EYA1: variants seen among roughly 807,000 people sequenced by gnomAD.
EYA1 encodes EYA transcriptional coactivator and phosphatase 1.
Under a neutral mutation model 82.0 loss-of-function variants are expected in EYA1, and 16 were observed. The observed-to-expected ratio is 0.20, with a 90% CI of 0.13 to 0.30. The LOEUF is 0.30. Among genes scored for constraint, EYA1 ranks in the 10% least tolerant of loss-of-function variants. The probability of loss-of-function intolerance (pLI) is 1.00; values close to 1 mark genes in which losing one functional copy is unlikely to be tolerated. For synonymous variants in EYA1, 261 were observed against 264.4 expected (o/e 0.99, Z 0.12); for missense variants, 633 against 730.7 (o/e 0.87, Z 1.54).
At chr8:71,215,090 A>G (rs950667113) in intron 16 of EYA1, among the ~76,000 whole-genome samples, 4 of 152,120 alleles carry the variant, frequency 2.6e-5, no homozygotes, top group African/African-American at 9.7e-5. Flanking sequence ...ATTTTTGTTA[A>G]TGTTGCCTAA....
intron 2 of EYA1, among the ~76,000 whole-genome samples, chr8:71,417,512 T>G (rs1219361325): frequency 6.6e-6 from 1 of 152,346 alleles, no homozygotes; most frequent in African/African-American, 2.4e-5. Flanking sequence ...TCAAAATTTA[T>G]TTAGACAATT....
chr8:71,218,540 C>G (rs1475514473), intron 12 of EYA1, among the ~76,000 whole-genome samples: 2 of 152,180 alleles, frequency 1.3e-5, no homozygotes, highest in African/African-American at 4.8e-5. Flanking sequence ...ACCTTGTAAC[C>G]CTCCCCTGCT....
At chr8:71,339,398 C>T (rs1824864845) in intron 3 of EYA1, among the ~76,000 whole-genome samples, 1 of 152,152 alleles carries the variant, frequency 6.6e-6, no homozygotes. Flanking sequence ...ACATGCTGGC[C>T]AAGTCCACTT....
intron 2 of EYA1, among the ~76,000 whole-genome samples, chr8:71,516,605 T>C (rs1702863367): frequency 6.6e-6 from 1 of 152,158 alleles, no homozygotes; most frequent in Non-Finnish European, 1.5e-5. Context: ...TTGCACAGTA[T>C]GGCCAAAAAT....
chr8:71,276,199 C>A (rs1308912784), intron 9 of EYA1, among the ~76,000 whole-genome samples: 1 of 152,138 alleles, frequency 6.6e-6, no homozygotes, highest in African/African-American at 2.4e-5. Context: ...TGAAGCAAAT[C>A]CTTTGTTATC....
chr8:71,332,014 A>AC (rs1014267868), intron 4 of EYA1, among the ~76,000 whole-genome samples: 26 of 151,994 alleles, frequency 1.7e-4, no homozygotes, highest in African/African-American at 6.3e-4. Context: ...CGCCCAGCTA[A>AC]TTTTTTAAAA....
intron 2 of EYA1, among the ~76,000 whole-genome samples, chr8:71,387,553 T>C (rs1361396456): frequency 6.6e-6 from 1 of 152,140 alleles, no homozygotes; most frequent in African/African-American, 2.4e-5. Context: ...ACATTTACAG[T>C]TAAATTATTG....
chr8:71,332,659 C>T (rs1421633618), intron 4 of EYA1, among the ~76,000 whole-genome samples: 2 of 152,200 alleles, frequency 1.3e-5, no homozygotes, highest in Non-Finnish European at 1.5e-5. Flanking sequence ...ATAATTCTGT[C>T]CTATGAATAT....
At chr8:71,285,564 T>G (rs1349018693) in intron 9 of EYA1, among the ~76,000 whole-genome samples, 1 of 152,252 alleles carries the variant, frequency 6.6e-6, no homozygotes, top group Non-Finnish European at 1.5e-5. Flanking sequence ...CAGGCCTGCC[T>G]ATTCATTATA....
At chr8:71,542,977 C>T (rs1243023153) in intron 1 of EYA1, among the ~76,000 whole-genome samples, 1 of 152,022 alleles carries the variant, frequency 6.6e-6, no homozygotes, top group East Asian at 1.9e-4. Context: ...TCATAGTTTG[C>T]AGACATTTTT....
At chr8:71,300,488 T>A (rs1033131370) in intron 7 of EYA1, among the ~76,000 whole-genome samples, 3 of 152,104 alleles carry the variant, frequency 2.0e-5, no homozygotes, top group African/African-American at 7.2e-5. Context: ...AGATCAGGGA[T>A]TGGGAAATAT....
chr8:71,406,539 G>C (rs887888739), intron 2 of EYA1, among the ~76,000 whole-genome samples: 2 of 152,210 alleles, frequency 1.3e-5, no homozygotes, highest in Admixed American at 6.5e-5. Flanking sequence ...AGCCGAAGCA[G>C]GGTGAGGCAT....
chr8:71,354,970 G>A lies in EYA1; in HGVS notation c.-4-61C>T. The A allele has an allele frequency of 4.5e-6, 7 of 1,544,964 alleles. 1 individual carries two copies. The South Asian group carries it at 6.7e-5, about 15-fold the overall frequency. On this transcript the variant is annotated intron_variant, in intron 2 of 17. Transcript: ENST00000340726. ...CAAATTCATAACACCACCATTTAATGCGCTAATGACTTGACACCTTTGAAA... is the reference window on the plus strand; with the variant it reads ...CAAATTCATAACACCACCATTTAATACGCTAATGACTTGACACCTTTGAAA...
At chr8:71,537,063 A>G (rs1814763492) in intron 1 of EYA1, among the ~76,000 whole-genome samples, 1 of 152,220 alleles carries the variant, frequency 6.6e-6, no homozygotes, top group Non-Finnish European at 1.5e-5. Context: ...GGTTTATTTA[A>G]GAAGTAATTT....
rs575503920 is a variant in EYA1 at position 71,303,027 on chromosome 8, C to T, written c.557-3307G>A. Among the ~76,000 whole-genome samples, 13 of 142,322 alleles carry T rather than the reference C, an allele frequency of 9.1e-5. 1 individual carries two copies. Among genetic ancestry groups the T allele is most frequent in the South Asian group, 2.3e-4 (1 of 4,336 alleles). 93.4% of individuals were successfully genotyped at this position (142,322 alleles called of 152,430 possible). ...CCAGCAACTGTGACTCCAATGCACCCGGGCATACATTCCAGCCTAACCCTA... is the reference window on the plus strand; with the variant it reads ...CCAGCAACTGTGACTCCAATGCACCTGGGCATACATTCCAGCCTAACCCTA... On this transcript the variant is annotated intron_variant, in intron 7 of 17. Coordinates refer to ENST00000340726, the MANE Select transcript of EYA1 (RefSeq NM_000503.6).
intron 2 of EYA1, among the ~76,000 whole-genome samples, chr8:71,480,311 G>A (rs1310590917): frequency 6.6e-6 from 1 of 152,158 alleles, no homozygotes; most frequent in African/African-American, 2.4e-5. Flanking sequence ...AAATGGGGAT[G>A]ATGTGATGTG....
intron 2 of EYA1, among the ~76,000 whole-genome samples, chr8:71,493,504 A>G (rs1811169928): frequency 1.3e-5 from 2 of 152,230 alleles, no homozygotes; most frequent in African/African-American, 4.8e-5. Flanking sequence ...CAACTTCCTT[A>G]CTACATAAAA....
chr8:71,249,139 T>A (rs1813449236), intron 11 of EYA1, among the ~76,000 whole-genome samples: 1 of 152,188 alleles, frequency 6.6e-6, no homozygotes, highest in Non-Finnish European at 1.5e-5. Flanking sequence ...TTTCAAAACG[T>A]GGCCTTTCTG....
At chr8:71,254,431 A>G (rs1032386443) in intron 11 of EYA1, among the ~76,000 whole-genome samples, 2 of 152,174 alleles carry the variant, frequency 1.3e-5, no homozygotes, top group Non-Finnish European at 2.9e-5. Context: ...TTACTTCAAC[A>G]GAAATACACA....
Sources: gnomAD v4.1 joint callset for allele counts (sites outside exome capture counted in the v4.1 genomes callset) on GRCh38, gnomAD v4.1.1 for gene constraint, MANE v1.5 for transcripts, NCBI Gene and HGNC (gene_info 2026-07-23, HGNC 2026-07-21) for gene names.